Variants in RIC1 observed in about 807,000 individuals in gnomAD.
RIC1 encodes the protein RIC1 partner of RAB6A GEF complex, also known as guanine nucleotide exchange factor subunit RIC1.
A neutral mutation model predicts 169.0 loss-of-function variants in RIC1; 88 were observed. That is an observed-to-expected ratio of 0.52 (90% confidence interval 0.44 to 0.62). The LOEUF (loss-of-function observed/expected upper bound fraction) is 0.62. Among genes scored for constraint, RIC1 ranks in the 20% least tolerant of loss-of-function variants. The pLI is 0.00. For synonymous variants in RIC1, 790 were observed against 601.5 expected (o/e 1.31, Z -4.59); for missense variants, 1,877 against 1,725.5 (o/e 1.09, Z -1.56).
chr9:5,754,586 G>C (rs917603247), intron 14 of RIC1, among the ~76,000 whole-genome samples: 14 of 152,060 alleles, frequency 9.2e-5, no homozygotes, highest in African/African-American at 3.4e-4. Flanking sequence ...AAATTAGCTA[G>C]GTGTGTTGGA....
At position 5,773,947 on chromosome 9, in the gene RIC1, T is replaced by C. The variant is rs555176649; in HGVS notation, c.3984-11T>C. On this transcript the variant is annotated splice_polypyrimidine_tract_variant and intron_variant, in intron 25 of 25. Transcript: ENST00000414202. ...ATGGCAGATGAGCTAATGTTTTTTT[T>C]CTCTACATAGTCCTGGATATAAGCC... 535 of 1,551,134 alleles carry C rather than the reference T, an allele frequency of 3.4e-4. 8 individuals are homozygous for C. The South Asian group carries it at 6.1e-3, about 18-fold the overall frequency.
chr9:5,632,798 G>C (rs577049499), intron 1 of RIC1, among the ~76,000 whole-genome samples: 1 of 152,242 alleles, frequency 6.6e-6, no homozygotes, highest in East Asian at 1.9e-4. Flanking sequence ...TGAGGGCCCA[G>C]AATTATTCCT....
chr9:5,706,609 T>G (rs1217131378), intron 3 of RIC1, among the ~76,000 whole-genome samples: 1 of 152,208 alleles, frequency 6.6e-6, no homozygotes, highest in Non-Finnish European at 1.5e-5. Context: ...GTTTTTTGAT[T>G]AGTGACTCAA....
intron 4 of RIC1, 78 bp from the exon 5 acceptor site, chr9:5,720,104 T>A: frequency 9.1e-7 from 1 of 1,100,280 alleles, no homozygotes; most frequent in Non-Finnish European, 1.3e-6. Context: ...GCATGAGTAT[T>A]CTCTAAAGCA....
chr9:5,733,723 A>G (rs573219674), intron 7 of RIC1, among the ~76,000 whole-genome samples: 18 of 152,160 alleles, frequency 1.2e-4, no homozygotes, highest in Non-Finnish European at 2.5e-4. Flanking sequence ...AACTTAGTAC[A>G]AGAGAGAAGG....
intron 2 of RIC1, among the ~76,000 whole-genome samples, chr9:5,689,044 C>CTTTTTTTTTT (rs34717277): frequency 3.0e-5 from 3 of 99,034 alleles, no homozygotes; most frequent in Admixed American, 1.4e-4. Context: ...AATACAATTT[C>CTTTTTTTTTT]TTTTTTTTTT....
intron 6 of RIC1, 149 bp from the exon 7 acceptor site, chr9:5,732,239 A>G (rs1288019960): frequency 6.6e-6 from 4 of 608,894 alleles, no homozygotes; most frequent in Admixed American, 3.2e-5. Context: ...AAGGGAGACT[A>G]TTGTGGTAGT....
rs955267362 is a variant in RIC1, at chr9:5,629,327, C to G, written c.18C>G (p.Gly6=). 1.6e-5 allele frequency: 24 copies of G among 1,524,776 alleles called. No homozygotes were observed. The highest frequency in any genetic ancestry group is 2.0e-5 in the Non-Finnish European group (23 of 1,142,542). 94.5% of individuals were successfully genotyped at this position (1,524,776 alleles called of 1,614,324 possible). A position where few individuals can be genotyped will look rare whatever the true frequency, so the allele number is the denominator to read the frequency against. Residue 6 remains glycine (G), a synonymous_variant, in exon 1 of 26, where the codon GGC becomes GGG. Coordinates refer to ENST00000414202, the MANE Select transcript of RIC1 (RefSeq NM_020829.4). MYFLS[G]WPKRLLCPLG... ...CACGGACCATGTATTTTCTGAGCGG[C>G]TGGCCCAAGAGGCTGCTGTGCCCTC...
At chr9:5,756,493 G>GT (rs1826025338) in intron 16 of RIC1, 121 bp downstream of exon 16, 2 of 592,220 alleles carry the variant, frequency 3.4e-6, no homozygotes, top group Non-Finnish European at 5.1e-6. Context: ...TTTGTTAGAG[G>GT]TAAAAAAAGC....
At position 5,747,398 on chromosome 9, in the gene RIC1, C is replaced by T; in HGVS notation, c.1345C>T (p.His449Tyr). 1 of 1,614,052 alleles carries T rather than the reference C, an allele frequency of 6.2e-7. No homozygotes were observed. The highest frequency in any genetic ancestry group is 8.5e-7 in the Non-Finnish European group (1 of 1,179,918). ...CCAGAATCCCAGGAGTTCTTCAACA[C>T]ACTCTGAGCATAAGCCCAGTCGAGA... is the stretch of plus-strand genomic sequence containing the variant. ...QTQNPRSSST[H>Y]SEHKPSREKS... The change falls in exon 12 of 26, where the codon CAC becomes TAC. Residue 449 changes from histidine (H) to tyrosine (Y), a missense_variant. This residue lies in a region of RIC1 where 1,104 missense variants were observed against 992.0 expected (regional missense o/e 1.11). Coordinates refer to ENST00000414202, the MANE Select transcript of RIC1 (RefSeq NM_020829.4).
chr9:5,695,985 C>T (rs919876400), intron 3 of RIC1, among the ~76,000 whole-genome samples: 2 of 152,098 alleles, frequency 1.3e-5, no homozygotes, highest in East Asian at 1.9e-4. Flanking sequence ...ATCTTTTGTA[C>T]GTTGTATGAG....
At chr9:5,729,320 G>A (rs1319523649) in intron 6 of RIC1, among the ~76,000 whole-genome samples, 2 of 152,130 alleles carry the variant, frequency 1.3e-5, no homozygotes, top group African/African-American at 4.8e-5. Flanking sequence ...TCAGCTTTGG[G>A]GAAGTGCTCT....
At chr9:5,766,783 G>C (rs906489748) in intron 21 of RIC1, among the ~76,000 whole-genome samples, 2 of 152,200 alleles carry the variant, frequency 1.3e-5, no homozygotes, top group Non-Finnish European at 2.9e-5. Context: ...CGATTTTGCA[G>C]TTGTGAACTG....
chr9:5,754,750 CT>C (rs1257273149), intron 14 of RIC1, 90 bp from the exon 15 acceptor site: 3 of 745,314 alleles, frequency 4.0e-6, no homozygotes, highest in Non-Finnish European at 6.3e-6. Flanking sequence ...ATAATTTGAG[CT>C]TTGTCTGGGT....
chr9:5,735,056 C>T (rs994275640), intron 7 of RIC1, among the ~76,000 whole-genome samples: 1 of 152,160 alleles, frequency 6.6e-6, no homozygotes, highest in African/African-American at 2.4e-5. Context: ...GATCAAGATT[C>T]ATTAATAATA....
chr9:5,743,116 T>C lies in RIC1; in HGVS notation c.1046+103T>C. 3.8e-6 allele frequency: 4 copies of C among 1,051,086 alleles called. No homozygotes were observed. In the South Asian group the frequency reaches 4.8e-5, roughly 13 times the overall value. The allele number at this position is 1,051,086 out of a possible 1,614,324, so 65.1% of individuals were successfully genotyped here. A position where few individuals can be genotyped will look rare whatever the true frequency, so the allele number is the denominator to read the frequency against. ...AGAACTTCCCTTTTTGCCTTGACTC[T>C]TACCTTAAAACAATTTGCAAAGTTC... is the stretch of plus-strand genomic sequence containing the variant. On this transcript the variant is annotated intron_variant, in intron 9 of 25. Transcript: ENST00000414202.
chr9:5,658,946 A>C (rs1322730297), intron 2 of RIC1, among the ~76,000 whole-genome samples: 2 of 151,976 alleles, frequency 1.3e-5, no homozygotes, highest in Non-Finnish European at 2.9e-5. Context: ...AAATGTTTTC[A>C]AATATGAATT....
At chr9:5,669,402 A>G (rs978450156) in intron 2 of RIC1, among the ~76,000 whole-genome samples, 30 of 152,214 alleles carry the variant, frequency 2.0e-4, no homozygotes, top group African/African-American at 6.0e-4. Flanking sequence ...TCCATTCCTG[A>G]ATTACTTCAC....
intron 4 of RIC1, 65 bp downstream of exon 4, chr9:5,714,068 A>T: frequency 1.0e-6 from 1 of 993,042 alleles, no homozygotes; most frequent in East Asian, 2.5e-5. Flanking sequence ...CGTAAATCCC[A>T]TGACCAACAG....
Sources: gnomAD v4.1 joint callset for allele counts (sites outside exome capture counted in the v4.1 genomes callset) on GRCh38, gnomAD v4.1.1 for gene constraint, gnomAD v4.1.1 regional missense constraint, MANE v1.5 for transcripts, NCBI Gene and HGNC (gene_info 2026-07-23, HGNC 2026-07-21) for gene names.